The following CACHD1 variants were observed in gnomAD, a reference collection of about 807,000 sequenced individuals.
CACHD1 encodes cache domain containing 1.
Under a neutral mutation model 138.7 loss-of-function variants are expected in CACHD1, and 71 were observed. The observed-to-expected ratio is 0.51, with a 90% CI of 0.42 to 0.62. The LOEUF (loss-of-function observed/expected upper bound fraction) is 0.62. Among genes scored for constraint, CACHD1 ranks in the 20% least tolerant of loss-of-function variants. CACHD1 has a pLI of 0.00. For missense variants in CACHD1, 1,389 were observed against 1,625.3 expected (o/e 0.85, Z 2.50); for synonymous variants, 578 against 591.5 (o/e 0.98, Z 0.33).
intron 26 of CACHD1, among the ~76,000 whole-genome samples, 155 bp from the exon 27 acceptor site, chr1:64,691,168 A>G (rs1264607747): frequency 1.3e-5 from 2 of 152,192 alleles, no homozygotes; most frequent in African/African-American, 4.8e-5. Context: ...CTCTTTAAAA[A>G]TAAATTACTT....
intron 4 of CACHD1, among the ~76,000 whole-genome samples, chr1:64,628,850 A>G (rs1252597071): frequency 6.6e-6 from 1 of 152,226 alleles, no homozygotes; most frequent in Non-Finnish European, 1.5e-5. Context: ...CATAAGTAAC[A>G]GCTTTACTGA....
At chr1:64,498,422 C>G (rs1646318994) in intron 1 of CACHD1, among the ~76,000 whole-genome samples, 1 of 152,174 alleles carries the variant, frequency 6.6e-6, no homozygotes, top group South Asian at 2.1e-4. Flanking sequence ...CTTGTATCAT[C>G]ATATTTCTGA....
chr1:64,691,801 G>T lies in CACHD1; in HGVS notation c.*240G>T, dbSNP rs945933335. 1.1e-5 allele frequency: 6 copies of T among 527,140 alleles called. No homozygotes were observed. In the African/African-American group the frequency reaches 1.1e-4, roughly 10 times the overall value. 32.7% of individuals were successfully genotyped at this position (527,140 alleles called of 1,614,324 possible). On this transcript the variant is annotated 3_prime_UTR_variant, in exon 27 of 27. Transcript: ENST00000651257. ...GGAGGGGAAATAAGCCTGATGAACAGACCTGCCATAACACTAATGGAAGGT... is the reference window on the plus strand; with the variant it reads ...GGAGGGGAAATAAGCCTGATGAACATACCTGCCATAACACTAATGGAAGGT...
intron 1 of CACHD1, among the ~76,000 whole-genome samples, chr1:64,487,259 C>G (rs867002539): frequency 3.3e-5 from 5 of 152,120 alleles, no homozygotes; most frequent in South Asian, 2.1e-4. Context: ...TCTGTCACCC[C>G]CTGGCTGTCA....
chr1:64,639,689 A>G (rs1337040219), intron 7 of CACHD1, among the ~76,000 whole-genome samples: 3 of 152,262 alleles, frequency 2.0e-5, no homozygotes, highest in African/African-American at 4.8e-5. Context: ...TAAAATGGAA[A>G]TGTATAATTT....
intron 1 of CACHD1, chr1:64,506,432 G>C (rs1646377689): frequency 6.6e-6 from 1 of 152,226 alleles, no homozygotes; most frequent in Non-Finnish European, 1.5e-5. Flanking sequence ...GTGTCTGGCA[G>C]TGTTCCAAAC....
chr1:64,659,234 G>C (rs1570459543), intron 13 of CACHD1, among the ~76,000 whole-genome samples: 1 of 152,088 alleles, frequency 6.6e-6, no homozygotes, highest in East Asian at 1.9e-4. Context: ...AATAGAGTTT[G>C]CCCAGACTCT....
intron 1 of CACHD1, among the ~76,000 whole-genome samples, chr1:64,523,027 T>G (rs1306687730): frequency 6.6e-6 from 1 of 152,198 alleles, no homozygotes; most frequent in Non-Finnish European, 1.5e-5. Flanking sequence ...ATGATGGCCT[T>G]CCCTTCTGTT....
rs1253342280 is a variant in CACHD1 at position 64,585,908 on chromosome 1, T to C, written c.410+3604T>C. Among the ~76,000 whole-genome samples the C allele has an allele frequency of 2.6e-5, 4 of 152,334 alleles. 1 individual carries two copies. The East Asian group carries it at 7.7e-4, about 29-fold the overall frequency. On this transcript the variant is annotated intron_variant, in intron 3 of 26. Coordinates refer to ENST00000651257, the MANE Select transcript of CACHD1 (RefSeq NM_020925.4). The stretch of plus-strand genomic sequence containing the variant: ...TTACAGGAACTCCTCAGTTTTTTAA[T>C]GAAGATTTAAAAATGGAAAGAGTTA...
At chr1:64,540,975 TGTGA>T (rs1438833660) in intron 1 of CACHD1, among the ~76,000 whole-genome samples, 1 of 152,058 alleles carries the variant, frequency 6.6e-6, no homozygotes, top group African/African-American at 2.4e-5. Context: ...TCCAAGTGGC[TGTGA>T]GTGTGTGTGT....
chr1:64,657,216 A>G (rs1649292630), intron 12 of CACHD1, among the ~76,000 whole-genome samples: 1 of 152,164 alleles, frequency 6.6e-6, no homozygotes. Context: ...TAATCAGTGA[A>G]AAAAACCCAC....
At chr1:64,568,401 G>C (rs1037946907) in intron 2 of CACHD1, among the ~76,000 whole-genome samples, 1 of 152,040 alleles carries the variant, frequency 6.6e-6, no homozygotes, top group Non-Finnish European at 1.5e-5. Context: ...GCAACCCTTA[G>C]ATACCTCTCA....
At chr1:64,653,967 T>C in intron 11 of CACHD1, 86 bp downstream of exon 11, 1 of 1,134,650 alleles carries the variant, frequency 8.8e-7, no homozygotes, top group Admixed American at 2.3e-5. Context: ...CTACAGAGTA[T>C]AAAACAAGTG....
intron 4 of CACHD1, among the ~76,000 whole-genome samples, chr1:64,606,976 C>T (rs1264024812): frequency 2.6e-5 from 4 of 152,112 alleles, no homozygotes; most frequent in East Asian, 1.9e-4. Context: ...TTAAAAGTTA[C>T]GTTTGAGATG....
intron 2 of CACHD1, among the ~76,000 whole-genome samples, chr1:64,573,694 G>A (rs1646944315): frequency 1.3e-5 from 2 of 152,154 alleles, no homozygotes; most frequent in African/African-American, 4.8e-5. Context: ...TCTCTTCTAT[G>A]TGCCAGGCAA....
chr1:64,470,983 C>T lies in CACHD1; in HGVS notation c.198+41C>T. On this transcript the variant is annotated intron_variant, in intron 1 of 26. Coordinates refer to ENST00000651257, the MANE Select transcript of CACHD1 (RefSeq NM_020925.4). This position sits in a 1 kb window ranked among gnomAD's most constrained non-coding sequence, Gnocchi z 5.2. ...GCTGGCCAGACATCCCGCCTTTCTC[C>T]TTTGCTCAAACTCCCATCCCACTCC... 1 of 1,541,162 alleles carries T rather than the reference C, an allele frequency of 6.5e-7. No homozygotes were observed.
intron 1 of CACHD1, among the ~76,000 whole-genome samples, chr1:64,474,872 G>T (rs2100258028): frequency 6.6e-6 from 1 of 152,370 alleles, no homozygotes; most frequent in Non-Finnish European, 1.5e-5. Flanking sequence ...CACTTACTAT[G>T]AACTTGGCAG....
intron 1 of CACHD1, among the ~76,000 whole-genome samples, chr1:64,493,104 A>C (rs1348166269): frequency 6.6e-6 from 1 of 152,244 alleles, no homozygotes; most frequent in Non-Finnish European, 1.5e-5. Context: ...AGCTGTTGTC[A>C]CATCAAACGA....
At chr1:64,680,529 C>T (rs1293899584) in intron 24 of CACHD1, among the ~76,000 whole-genome samples, 2 of 152,076 alleles carry the variant, frequency 1.3e-5, no homozygotes, top group Non-Finnish European at 2.9e-5. Flanking sequence ...AAATGATTCA[C>T]CTATAATCAT....
Sources: allele counts gnomAD v4.1 joint callset (sites outside exome capture counted in the v4.1 genomes callset), GRCh38; gene constraint gnomAD v4.1.1; non-coding constraint Gnocchi (gnomAD v3.1); transcripts MANE v1.5; gene names NCBI Gene and HGNC (gene_info 2026-07-23, HGNC 2026-07-21).